The following SLC16A10 variants were observed in gnomAD, a reference collection of about 807,000 sequenced individuals.
The protein encoded by SLC16A10 is monocarboxylate transporter 10.
In SLC16A10, 27 loss-of-function variants were observed where a neutral mutation model predicts 40.0. The observed-to-expected ratio is 0.67, with a 90% CI of 0.50 to 0.93. The LOEUF (loss-of-function observed/expected upper bound fraction) is 0.93, where lower values mean the gene tolerates loss of function less well. Ranked by LOEUF, SLC16A10 falls within the 40% of genes least tolerant of loss-of-function variation. The pLI is 0.00. For missense variants in SLC16A10, 529 were observed against 658.2 expected, an observed-to-expected ratio of 0.80 and a Z score of 2.15; for synonymous variants, 213 against 249.8, an observed-to-expected ratio of 0.85 and a Z score of 1.39.
chr6:111,136,038 C>G (rs547267206), intron 1 of SLC16A10, among the ~76,000 whole-genome samples: 27 of 152,186 alleles, frequency 1.8e-4, no homozygotes, highest in African/African-American at 6.5e-4. Context: ...ATAGGCATAA[C>G]AGGCATAACA....
chr6:111,136,368 T>C (rs1056661845), intron 1 of SLC16A10, among the ~76,000 whole-genome samples: 5 of 152,242 alleles, frequency 3.3e-5, no homozygotes, highest in Non-Finnish European at 7.3e-5. Flanking sequence ...CCTCATTGTT[T>C]ACGGGTAGTG....
In SLC16A10 at chr6:111,222,445, G is replaced by A; in HGVS notation, c.*210G>A. 1 of 439,558 alleles carries A rather than the reference G, an allele frequency of 2.3e-6. No homozygotes were observed. The highest frequency in any genetic ancestry group is 3.4e-6 in the Non-Finnish European group (1 of 291,766). The allele number at this position is 439,558 out of a possible 1,614,324, so 27.2% of individuals were successfully genotyped here. ...CATGAGTCTGAGGGCAGAGACTCTG[G>A]TATATGAAAACGTCTGAAAGTCACA... On this transcript the variant is annotated 3_prime_UTR_variant, in exon 6 of 6. Coordinates refer to ENST00000368851, the MANE Select transcript of SLC16A10 (RefSeq NM_018593.5).
intron 1 of SLC16A10, among the ~76,000 whole-genome samples, chr6:111,152,567 A>G (rs1279259641): frequency 6.6e-6 from 1 of 152,252 alleles, no homozygotes; most frequent in Non-Finnish European, 1.5e-5. Flanking sequence ...GAACAAGGCT[A>G]TACTGAGAAA....
chr6:111,221,168 A>G (rs1321912162), intron 5 of SLC16A10, among the ~76,000 whole-genome samples: 1 of 152,212 alleles, frequency 6.6e-6, no homozygotes, highest in Non-Finnish European at 1.5e-5. Context: ...GAGTTTAAAA[A>G]CACTAAGATA....
At chr6:111,141,851 A>T (rs1771988700) in intron 1 of SLC16A10, among the ~76,000 whole-genome samples, 1 of 152,232 alleles carries the variant, frequency 6.6e-6, no homozygotes, top group African/African-American at 2.4e-5. Context: ...AAGACTCAGT[A>T]ATGTCAAGAT....
intron 1 of SLC16A10, among the ~76,000 whole-genome samples, chr6:111,137,682 CAGTT>C (rs750858759): frequency 2.0e-5 from 3 of 152,192 alleles, no homozygotes; most frequent in Non-Finnish European, 4.4e-5. Flanking sequence ...CAGCAGGAAG[CAGTT>C]AGAGCGGCCG....
intron 4 of SLC16A10, among the ~76,000 whole-genome samples, chr6:111,218,113 T>G (rs1028232047): frequency 6.6e-6 from 1 of 152,128 alleles, no homozygotes; most frequent in Admixed American, 6.6e-5. Flanking sequence ...GAAGTATACA[T>G]AGTTTTAAAG....
chr6:111,215,548 T>C (rs188371933), intron 4 of SLC16A10, among the ~76,000 whole-genome samples: 2 of 152,316 alleles, frequency 1.3e-5, no homozygotes, highest in East Asian at 3.9e-4. Flanking sequence ...GTTTGGTCTA[T>C]AGTTTTAACA....
chr6:111,203,608 G>A (rs1773206577), intron 3 of SLC16A10, among the ~76,000 whole-genome samples: 1 of 151,950 alleles, frequency 6.6e-6, no homozygotes, highest in Non-Finnish European at 1.5e-5. Context: ...TGTAATCCCA[G>A]CCACTCTGGA....
intron 3 of SLC16A10, among the ~76,000 whole-genome samples, chr6:111,187,743 G>C (rs563997330): frequency 6.6e-6 from 1 of 152,314 alleles, no homozygotes; most frequent in South Asian, 2.1e-4. Context: ...CAATCAGGAG[G>C]TTGCTTTGCC....
chr6:111,211,644 C>T (rs143787944), intron 4 of SLC16A10, among the ~76,000 whole-genome samples: 3,738 of 152,324 alleles, frequency 0.025, 136 homozygotes, highest in African/African-American at 0.085. Flanking sequence ...GAGCCACTCA[C>T]GGACTCCACC....
At chr6:111,217,768 A>G (rs1266902619) in intron 4 of SLC16A10, among the ~76,000 whole-genome samples, 1 of 152,112 alleles carries the variant, frequency 6.6e-6, no homozygotes, top group Non-Finnish European at 1.5e-5. Flanking sequence ...TTCAGTTTTA[A>G]CAGGTTCTGT....
At chr6:111,148,551 G>C (rs1039061145) in intron 1 of SLC16A10, among the ~76,000 whole-genome samples, 4 of 152,218 alleles carry the variant, frequency 2.6e-5, no homozygotes, top group African/African-American at 9.6e-5. Context: ...GTGGAAACAT[G>C]TCTATGTGGG....
At position 111,142,575 on chromosome 6, in the gene SLC16A10, A is replaced by G. The variant is rs567325662; in HGVS notation, c.344-30120A>G. ...AAATGTGCCAAACACTCTAATAGAT[A>G]TCTCATCAAAGAAGATATATAGATG... On this transcript the variant is annotated intron_variant, in intron 1 of 5. Coordinates refer to ENST00000368851, the MANE Select transcript of SLC16A10 (RefSeq NM_018593.5). Among the ~76,000 whole-genome samples, 4 of 152,382 alleles carry G rather than the reference A, an allele frequency of 2.6e-5. No homozygotes were observed. The East Asian group carries it at 7.7e-4, about 29-fold the overall frequency.
chr6:111,183,969 T>A (rs766614788), intron 3 of SLC16A10, among the ~76,000 whole-genome samples: 1 of 148,540 alleles, frequency 6.7e-6, no homozygotes, highest in Non-Finnish European at 1.5e-5. Flanking sequence ...AAATGCCAAA[T>A]ATGACAATGA....
chr6:111,113,509 A>C (rs1032175126), intron 1 of SLC16A10, among the ~76,000 whole-genome samples: 1 of 152,198 alleles, frequency 6.6e-6, no homozygotes, highest in Admixed American at 6.5e-5. Flanking sequence ...TTAACTCTCA[A>C]GCTAAAACTG....
Position 111,087,927 on chromosome 6 carries a change from C to T in SLC16A10, c.175C>T (p.His59Tyr). The change falls in exon 1 of 6, where the codon CAT becomes TAT. Residue 59 changes from histidine (H) to tyrosine (Y), a missense_variant. Transcript: ENST00000368851. ...GGCGGGGCCGGCGACCGCGGAGCCC[C>T]ATGAGCCCCCCGAACCCCCCGAGGG... ...ELAGPATAEP[H>Y]EPPEPPEGGW... 6.2e-7 allele frequency: 1 copy of T among 1,602,472 alleles called. No homozygotes were observed.
chr6:111,167,647 G>T (rs189707030), intron 1 of SLC16A10, among the ~76,000 whole-genome samples: 3 of 112,870 alleles, frequency 2.7e-5, no homozygotes, highest in Non-Finnish European at 3.9e-5. Context: ...TTTATTTATT[G>T]TGTGTGTGTG....
chr6:111,116,600 T>G (rs1008415662), intron 1 of SLC16A10, among the ~76,000 whole-genome samples: 7 of 152,174 alleles, frequency 4.6e-5, no homozygotes, highest in Non-Finnish European at 1.0e-4. Flanking sequence ...TTATGTACTA[T>G]GATGCAAATG....
Sources: allele counts gnomAD v4.1 joint callset (sites outside exome capture counted in the v4.1 genomes callset), GRCh38; gene constraint gnomAD v4.1.1; transcripts MANE v1.5; gene names NCBI Gene and HGNC (gene_info 2026-07-23, HGNC 2026-07-21).